The following IMP4 variants were observed in gnomAD, a reference collection of about 807,000 sequenced individuals.
The protein encoded by IMP4 is U3 small nucleolar ribonucleoprotein IMP4.
A neutral mutation model predicts 42.7 loss-of-function variants in IMP4; 30 were observed. The observed-to-expected ratio is 0.70, with a 90% CI of 0.53 to 0.95. The LOEUF is 0.95. IMP4 is among the 40% of genes least tolerant of loss of function. IMP4 has a pLI of 0.00. For synonymous variants in IMP4, 165 were observed against 165.2 expected (o/e 1.00, Z 0.01); for missense variants, 382 against 411.4 (o/e 0.93, Z 0.62).
Position 130,346,409 on chromosome 2 carries a change from T to C in IMP4, c.817T>C (p.Trp273Arg), listed in dbSNP as rs1573845266. The C allele has an allele frequency of 6.4e-7, 1 of 1,574,678 alleles. No individual in the cohort carries two copies. Among genetic ancestry groups the C allele is most frequent in the Non-Finnish European group, 8.6e-7 (1 of 1,159,902 alleles). Residue 273 changes from tryptophan (W) to arginine (R), a missense_variant, in exon 9 of 9, where the codon TGG becomes CGG. Physicochemically the swap from Trp to Arg is moderately radical, Grantham distance 101. Coordinates refer to ENST00000259239, the MANE Select transcript of IMP4 (RefSeq NM_033416.3). ...LEQEATADVE[W>R]RWHPYTNTAR... ...GCAGGAGGCCACAGCAGACGTGGAGTGGCGCTGGCACCCTTACACCAATAC... is the reference window on the plus strand; with the variant it reads ...GCAGGAGGCCACAGCAGACGTGGAGCGGCGCTGGCACCCTTACACCAATAC...
Position 130,346,045 on chromosome 2 carries a change from C to T in IMP4, c.622C>T (p.Pro208Ser). 6.2e-7 allele frequency: 1 copy of T among 1,614,224 alleles called. No homozygotes were observed. Among genetic ancestry groups the T allele is most frequent in the Non-Finnish European group, 8.5e-7 (1 of 1,180,038 alleles). Residue 208 changes from proline (P) to serine (S), a missense_variant, in exon 7 of 9, where the codon CCC becomes TCC. Coordinates refer to ENST00000259239, the MANE Select transcript of IMP4 (RefSeq NM_033416.3). ...CTCTGACATCCTCCGATACCTATTTCCCGTGCCCAAAGATGACAGCCACCG... is the reference window on the plus strand; with the variant it reads ...CTCTGACATCCTCCGATACCTATTTTCCGTGCCCAAAGATGACAGCCACCG... ...RVSDILRYLF[P>S]VPKDDSHRVI...
At position 130,346,989 on chromosome 2, in the gene IMP4, T is replaced by C. The variant is rs765188854; in HGVS notation, c.*521T>C. Reference sequence around the variant, plus strand: ...GTCTGGCTTATTTCTATTAACATAATGTTCTCCAGGTTCCTCCATGTTATT... The same window carrying C: ...GTCTGGCTTATTTCTATTAACATAACGTTCTCCAGGTTCCTCCATGTTATT... On this transcript the variant is annotated 3_prime_UTR_variant, in exon 9 of 9. Transcript: ENST00000259239. 4.0e-4 allele frequency: 64 copies of C among 160,800 alleles called. No individual in the cohort carries two copies. The highest frequency in any genetic ancestry group is 7.2e-4 in the Non-Finnish European group (52 of 72,414). The allele number at this position is 160,800 out of a possible 1,614,324, so 10.0% of individuals were successfully genotyped here.
intron 2 of IMP4, among the ~76,000 whole-genome samples, chr2:130,343,786 G>C (rs1271271018): frequency 1.3e-5 from 2 of 151,668 alleles, no homozygotes; most frequent in South Asian, 2.1e-4. Context: ...TCTGGATAGC[G>C]CTGGTGCTGC....
chr2:130,345,438 A>C lies in IMP4; in HGVS notation c.259A>C (p.Ile87Leu), dbSNP rs751818012. ...AGGAGTCGAGGATCCCAAGGTTATG[A>C]TCACTACCTCCCGAGACCCCAGTTC... ...WAGVEDPKVMITTSRDPSSRL... is the reference protein window; with the variant it reads ...WAGVEDPKVMLTTSRDPSSRL... Residue 87 changes from isoleucine to leucine, a missense_variant, in exon 4 of 9, where the codon ATC becomes CTC. Transcript: ENST00000259239. This position sits in a 1 kb window ranked among gnomAD's most constrained non-coding sequence, Gnocchi z 4.9. 16 of 1,614,032 alleles carry C rather than the reference A, an allele frequency of 9.9e-6. No homozygotes were observed. Among genetic ancestry groups the C allele is most frequent in the Non-Finnish European group, 1.3e-5 (15 of 1,179,984 alleles).
At position 130,345,312 on chromosome 2, in the gene IMP4, C is replaced by T. The variant is rs1351629040; in HGVS notation, c.197-64C>T. 3.8e-6 allele frequency: 5 copies of T among 1,318,540 alleles called. No homozygotes were observed. Among genetic ancestry groups the T allele is most frequent in the African/African-American group, 2.9e-5 (2 of 68,632 alleles). The allele number at this position is 1,318,540 out of a possible 1,614,324, so 81.7% of individuals were successfully genotyped here. A position where few individuals can be genotyped will look rare whatever the true frequency, so the allele number is the denominator to read the frequency against. The stretch of plus-strand genomic sequence containing the variant: ...GACAGCGACATCCAGGCGGTCTTGG[C>T]TGCCCCGAAGTTAGCATTTCATTCC... On this transcript the variant is annotated intron_variant, in intron 3 of 8. Coordinates refer to ENST00000259239, the MANE Select transcript of IMP4 (RefSeq NM_033416.3). The surrounding 1 kb of genome is among the most constrained non-coding windows in gnomAD (Gnocchi z 4.9).
intron 3 of IMP4, chr2:130,344,985 A>G (rs1679407774): frequency 3.5e-6 from 2 of 571,950 alleles, no homozygotes; most frequent in African/African-American, 1.9e-5. Context: ...TCCCTCACAC[A>G]TTATTGGTGC....
chr2:130,342,988 A>G, intron 1 of IMP4, 53 bp downstream of exon 1: 2 of 1,613,536 alleles, frequency 1.2e-6, no homozygotes, highest in Admixed American at 3.3e-5. Flanking sequence ...AGTGCTGGGG[A>G]TGTGGCTCTG....
Position 130,346,453 on chromosome 2 carries a change from C to T in IMP4, c.861C>T (p.Phe287=), listed in dbSNP as rs758781779. The T allele has an allele frequency of 6.4e-7, 1 of 1,558,574 alleles. No homozygotes were observed. ...PYTNTARKRV[F]LSTE is the part of the protein sequence containing the mutation. ...CCAATACCGCACGCAAGAGAGTCTT[C>T]CTGAGCACCGAGTGAGCACACTCAC... The change falls in exon 9 of 9, where the codon TTC becomes TTT. Residue 287 remains phenylalanine, a synonymous_variant. Coordinates refer to ENST00000259239, the MANE Select transcript of IMP4 (RefSeq NM_033416.3).
chr2:130,345,959 G>A lies in IMP4; in HGVS notation c.594+26G>A, dbSNP rs951569998. 3.7e-6 allele frequency: 6 copies of A among 1,614,090 alleles called. No individual in the cohort carries two copies. In the African/African-American group the frequency reaches 8.0e-5, roughly 22 times the overall value. ...GTGAGTCTGGGGGCCTTCAGGCTGG[G>A]GCTGCGGGCCAGGCCAGGCATTTGC... On this transcript the variant is annotated intron_variant, in intron 6 of 8. Coordinates refer to ENST00000259239, the MANE Select transcript of IMP4 (RefSeq NM_033416.3). The surrounding 1 kb of genome is among the most constrained non-coding windows in gnomAD (Gnocchi z 4.9).
At chr2:130,343,242 C>A (rs1409286394) in intron 2 of IMP4, 48 bp downstream of exon 2, 43 of 1,280,104 alleles carry the variant, frequency 3.4e-5, no homozygotes, top group Non-Finnish European at 4.7e-5. Context: ...CACCCCGGCA[C>A]GCATTTGTGT....
Position 130,345,855 on chromosome 2 carries a change from C to T in IMP4, c.516C>T (p.Asp172=). ...TGTGCAATGTGGTCATGCGGCATGACATCCCAGACCTGGGCACCATGTCGG... is the reference window on the plus strand; with the variant it reads ...TGTGCAATGTGGTCATGCGGCATGATATCCCAGACCTGGGCACCATGTCGG... ...FTLCNVVMRH[D]IPDLGTMSEA... Residue 172 remains aspartate (D), a synonymous_variant, in exon 6 of 9, where the codon GAC becomes GAT. Transcript: ENST00000259239. The surrounding 1 kb of genome is among the most constrained non-coding windows in gnomAD (Gnocchi z 4.9). 6.2e-7 allele frequency: 1 copy of T among 1,614,200 alleles called. No individual in the cohort carries two copies. Among genetic ancestry groups the T allele is most frequent in the Non-Finnish European group, 8.5e-7 (1 of 1,180,048 alleles).
Position 130,346,523 on chromosome 2 carries a change from T to A in IMP4, c.*55T>A, listed in dbSNP as rs1679590395. 1 of 1,193,466 alleles carries A rather than the reference T, an allele frequency of 8.4e-7. No individual in the cohort carries two copies. Among genetic ancestry groups the A allele is most frequent in the Non-Finnish European group, 1.2e-6 (1 of 824,030 alleles). The allele number at this position is 1,193,466 out of a possible 1,614,324, so 73.9% of individuals were successfully genotyped here. ...CTTGGAACTCAGGATGGGGCTGTCA[T>A]AGACAGACCCACCAGTAGGAACTGT... On this transcript the variant is annotated 3_prime_UTR_variant, in exon 9 of 9. Coordinates refer to ENST00000259239, the MANE Select transcript of IMP4 (RefSeq NM_033416.3).
chr2:130,345,995 C>G lies in IMP4; in HGVS notation c.595-23C>G. On this transcript the variant is annotated intron_variant, in intron 6 of 8. Transcript: ENST00000259239. The surrounding 1 kb of genome is among the most constrained non-coding windows in gnomAD (Gnocchi z 4.9). Reference sequence around the variant, plus strand: ...AGGCCAGGCATTTGCCACTCTGTTTCCCTCTCTTTCCTTGTGCCCCAGGTC... The same window carrying G: ...AGGCCAGGCATTTGCCACTCTGTTTGCCTCTCTTTCCTTGTGCCCCAGGTC... 6.2e-7 allele frequency: 1 copy of G among 1,614,162 alleles called. No individual in the cohort carries two copies. Among genetic ancestry groups the G allele is most frequent in the African/African-American group, 1.3e-5 (1 of 75,050 alleles).
In IMP4 at chr2:130,345,188, G is replaced by A. The variant is rs917642655; in HGVS notation, c.197-188G>A. ...AAACTACAATTAAACAAAAGATTCT[G>A]TTTCTCAGCCACGCTTGTGCTCAGC... On this transcript the variant is annotated intron_variant, in intron 3 of 8. Coordinates refer to ENST00000259239, the MANE Select transcript of IMP4 (RefSeq NM_033416.3). The surrounding 1 kb of genome is among the most constrained non-coding windows in gnomAD (Gnocchi z 4.9). Among the ~76,000 whole-genome samples, 2 of 152,208 alleles carry A rather than the reference G, an allele frequency of 1.3e-5. No homozygotes were observed. The highest frequency in any genetic ancestry group is 4.8e-5 in the African/African-American group (2 of 41,450).
At position 130,346,643 on chromosome 2, in the gene IMP4, G is replaced by A; in HGVS notation, c.*175G>A. 1.6e-6 allele frequency: 1 copy of A among 628,778 alleles called. No individual in the cohort carries two copies. Among genetic ancestry groups the A allele is most frequent in the Non-Finnish European group, 2.8e-6 (1 of 353,034 alleles). 38.9% of individuals were successfully genotyped at this position (628,778 alleles called of 1,614,324 possible). A position where few individuals can be genotyped will look rare whatever the true frequency, so the allele number is the denominator to read the frequency against. ...TCATGGCCCCGCCTGCCTCTGAGTGGTCAGGCCAAGTCTGCAGGGCAAAGC... is the reference window on the plus strand; with the variant it reads ...TCATGGCCCCGCCTGCCTCTGAGTGATCAGGCCAAGTCTGCAGGGCAAAGC... On this transcript the variant is annotated 3_prime_UTR_variant, in exon 9 of 9. Coordinates refer to ENST00000259239, the MANE Select transcript of IMP4 (RefSeq NM_033416.3).
At position 130,345,426 on chromosome 2, in the gene IMP4, C is replaced by G. The variant is rs1245006621; in HGVS notation, c.247C>G (p.Pro83Ala). ...ATACCGATGGGCAGGAGTCGAGGAT[C>G]CCAAGGTTATGATCACTACCTCCCG... ...DEYRWAGVEDPKVMITTSRDP... is the reference protein window; with the variant it reads ...DEYRWAGVEDAKVMITTSRDP... Residue 83 changes from proline to alanine, a missense_variant, in exon 4 of 9, where the codon CCC becomes GCC. Coordinates refer to ENST00000259239, the MANE Select transcript of IMP4 (RefSeq NM_033416.3). The surrounding 1 kb of genome is among the most constrained non-coding windows in gnomAD (Gnocchi z 4.9). 6.2e-7 allele frequency: 1 copy of G among 1,614,122 alleles called. No individual in the cohort carries two copies. The highest frequency in any genetic ancestry group is 1.1e-5 in the South Asian group (1 of 91,078).
At position 130,345,022 on chromosome 2, in the gene IMP4, A is replaced by G; in HGVS notation, c.196+310A>G. ...CATACGTTTATTCACTGCATTATTC[A>G]AGAAACAAGAAAGGAATCCCAAACA... On this transcript the variant is annotated intron_variant, in intron 3 of 8. Coordinates refer to ENST00000259239, the MANE Select transcript of IMP4 (RefSeq NM_033416.3). The surrounding 1 kb of genome is among the most constrained non-coding windows in gnomAD (Gnocchi z 4.9). 2 of 554,082 alleles carry G rather than the reference A, an allele frequency of 3.6e-6. No individual in the cohort carries two copies. Among genetic ancestry groups the G allele is most frequent in the Non-Finnish European group, 6.5e-6 (2 of 309,444 alleles). The allele number at this position is 554,082 out of a possible 1,614,324, so 34.3% of individuals were successfully genotyped here. A position where few individuals can be genotyped will look rare whatever the true frequency, so the allele number is the denominator to read the frequency against.
At position 130,346,756 on chromosome 2, in the gene IMP4, T is replaced by A. The variant is rs1679608864; in HGVS notation, c.*288T>A. 1 of 486,238 alleles carries A rather than the reference T, an allele frequency of 2.1e-6. No homozygotes were observed. 30.1% of individuals were successfully genotyped at this position (486,238 alleles called of 1,614,324 possible). ...GTGGGGGTTAACAGAGAGAGAGATTTGATGCTAACGTCCCCTCAAGAGTGA... is the reference window on the plus strand; with the variant it reads ...GTGGGGGTTAACAGAGAGAGAGATTAGATGCTAACGTCCCCTCAAGAGTGA... On this transcript the variant is annotated 3_prime_UTR_variant, in exon 9 of 9. Transcript: ENST00000259239.
chr2:130,344,060 G>T (rs1419763758), intron 2 of IMP4, among the ~76,000 whole-genome samples: 1 of 152,252 alleles, frequency 6.6e-6, no homozygotes, highest in Non-Finnish European at 1.5e-5. Flanking sequence ...CGAGCGCTGT[G>T]GCTCACGCCT....
Sources: gnomAD v4.1 joint callset for allele counts (sites outside exome capture counted in the v4.1 genomes callset) on GRCh38, gnomAD v4.1.1 for gene constraint, Gnocchi (gnomAD v3.1) non-coding constraint, MANE v1.5 for transcripts, NCBI Gene and HGNC (gene_info 2026-07-23, HGNC 2026-07-21) for gene names.